CSMD1: variants seen among roughly 807,000 people sequenced by gnomAD.
CSMD1 encodes the protein CUB and sushi domain-containing protein 1.
In CSMD1, 213 loss-of-function variants were observed where a neutral mutation model predicts 417.5. The observed-to-expected ratio is 0.51, with a 90% confidence interval of 0.46 to 0.57. The LOEUF is 0.57. CSMD1 is among the 20% of genes least tolerant of loss of function. The pLI is 0.00. For synonymous variants in CSMD1, 2,862 were observed against 1,736.8 expected (o/e 1.65, Z -16.11); for missense variants, 6,923 against 4,529.7 (o/e 1.53, Z -15.17).
chr8:3,486,038 C>T (rs1050949447), intron 11 of CSMD1, among the ~76,000 whole-genome samples: 16 of 152,130 alleles, frequency 1.1e-4, no homozygotes, highest in African/African-American at 3.9e-4. Flanking sequence ...TCCTTGTCTT[C>T]ACTTGGCAGA....
chr8:3,501,211 G>A (rs543585865), intron 10 of CSMD1, among the ~76,000 whole-genome samples: 14 of 152,042 alleles, frequency 9.2e-5, no homozygotes, highest in Admixed American at 2.0e-4. Flanking sequence ...TGATCTCTAT[G>A]ATCTTTGCCT....
intron 2 of CSMD1, among the ~76,000 whole-genome samples, chr8:4,488,650 A>G (rs1801537421): frequency 6.6e-6 from 1 of 151,788 alleles, no homozygotes; most frequent in Non-Finnish European, 1.5e-5. Flanking sequence ...CATCCTCTAA[A>G]AAGGAACACC....
chr8:4,791,912 G>A (rs913071331), intron 1 of CSMD1, among the ~76,000 whole-genome samples: 1 of 151,330 alleles, frequency 6.6e-6, no homozygotes, highest in African/African-American at 2.5e-5. Context: ...ATTCGAAAAG[G>A]TAGATTAATT....
chr8:4,150,466 T>C (rs1796513459), intron 3 of CSMD1, among the ~76,000 whole-genome samples: 1 of 152,178 alleles, frequency 6.6e-6, no homozygotes, highest in Non-Finnish European at 1.5e-5. Context: ...GGCTTAGAAC[T>C]TCAGCTAACA....
intron 4 of CSMD1, among the ~76,000 whole-genome samples, chr8:4,022,484 G>C (rs965428910): frequency 6.6e-6 from 1 of 152,152 alleles, no homozygotes; most frequent in African/African-American, 2.4e-5. Context: ...CAGGTTTAAA[G>C]ACTTCCCTCC....
At chr8:4,464,804 G>T (rs1019445285) in intron 2 of CSMD1, among the ~76,000 whole-genome samples, 6 of 152,066 alleles carry the variant, frequency 3.9e-5, no homozygotes, top group South Asian at 2.1e-4. Context: ...CAAGAAAACT[G>T]ATTCTCTTTG....
At chr8:4,869,453 G>A (rs967076277) in intron 1 of CSMD1, among the ~76,000 whole-genome samples, 1 of 151,936 alleles carries the variant, frequency 6.6e-6, no homozygotes, top group Non-Finnish European at 1.5e-5. Flanking sequence ...TTTAATGAAA[G>A]CATATATCTG....
intron 8 of CSMD1, among the ~76,000 whole-genome samples, chr8:3,596,146 G>C (rs907435403): frequency 5.3e-5 from 8 of 152,236 alleles, no homozygotes; most frequent in Non-Finnish European, 1.0e-4. Context: ...GGAGGAAACA[G>C]TGAGGAGTGT....
intron 3 of CSMD1, among the ~76,000 whole-genome samples, chr8:4,134,640 C>T (rs1371132758): frequency 6.6e-6 from 1 of 152,158 alleles, no homozygotes; most frequent in African/African-American, 2.4e-5. Flanking sequence ...CTGATTCTAC[C>T]TTTAAAATAT....
intron 36 of CSMD1, among the ~76,000 whole-genome samples, chr8:3,186,556 T>C (rs925628126): frequency 6.6e-6 from 1 of 152,182 alleles, no homozygotes; most frequent in East Asian, 1.9e-4. Context: ...CCATTTGAAG[T>C]GATAAAATGG....
At chr8:3,164,841 G>T (rs1044080797) in intron 37 of CSMD1, among the ~76,000 whole-genome samples, 4 of 152,048 alleles carry the variant, frequency 2.6e-5, no homozygotes, top group African/African-American at 4.8e-5. Flanking sequence ...TACTAAACTT[G>T]CATGTTTTAC....
intron 22 of CSMD1, among the ~76,000 whole-genome samples, chr8:3,346,687 C>T (rs1325030680): frequency 6.6e-6 from 1 of 152,132 alleles, no homozygotes. Context: ...TGGAGCCCGG[C>T]GGGGGCTCCA....
intron 1 of CSMD1, among the ~76,000 whole-genome samples, chr8:4,732,367 GTGTGTGTGTGTGTGTA>G (rs896730694): frequency 8.7e-5 from 13 of 149,110 alleles, no homozygotes; most frequent in Admixed American, 7.3e-4. Context: ...GTGTGTGTGT[GTGTGTGTGTGTGTGTA>G]GTGTTTTTCC....
At chr8:4,726,411 G>A (rs1173858253) in intron 1 of CSMD1, among the ~76,000 whole-genome samples, 1 of 151,946 alleles carries the variant, frequency 6.6e-6, no homozygotes. Context: ...CTACCCTTTA[G>A]TGTAGTTCAC....
At chr8:3,325,377 G>A (rs1428979893) in intron 23 of CSMD1, among the ~76,000 whole-genome samples, 3 of 152,154 alleles carry the variant, frequency 2.0e-5, no homozygotes, top group Non-Finnish European at 4.4e-5. Flanking sequence ...ACCATCTGTT[G>A]GCCTTCATTT....
At chr8:2,956,671 T>C (rs1374506887) in intron 63 of CSMD1, among the ~76,000 whole-genome samples, 1 of 152,016 alleles carries the variant, frequency 6.6e-6, no homozygotes, top group Non-Finnish European at 1.5e-5. Flanking sequence ...TTAGCCAGGA[T>C]GGTCTCGATC....
chr8:3,429,918 ACTGT>A (rs1326780768), intron 12 of CSMD1, among the ~76,000 whole-genome samples: 1 of 152,152 alleles, frequency 6.6e-6, no homozygotes, highest in African/African-American at 2.4e-5. Context: ...CACTGGCCAC[ACTGT>A]CTATTTCTTA....
intron 26 of CSMD1, among the ~76,000 whole-genome samples, chr8:3,282,709 G>A (rs1405905506): frequency 6.6e-6 from 1 of 152,134 alleles, no homozygotes; most frequent in Non-Finnish European, 1.5e-5. Context: ...TCACTGTTCA[G>A]AGCACAGTGA....
intron 1 of CSMD1, among the ~76,000 whole-genome samples, chr8:4,824,748 T>C (rs1349059635): frequency 6.6e-6 from 1 of 152,180 alleles, no homozygotes; most frequent in Non-Finnish European, 1.5e-5. Context: ...TGCTGGAACT[T>C]GTCACTCAAA....
Sources: allele counts gnomAD v4.1 joint callset (sites outside exome capture counted in the v4.1 genomes callset), GRCh38; gene constraint gnomAD v4.1.1; transcripts MANE v1.5; gene names NCBI Gene and HGNC (gene_info 2026-07-23, HGNC 2026-07-21).